SMIM20: variants seen among roughly 807,000 people sequenced by gnomAD.
SMIM20 encodes the protein small integral membrane protein 20.
In SMIM20, 3 loss-of-function variants were observed where a neutral mutation model predicts 8.7. The ratio of observed to expected loss-of-function variants is 0.34; its 90% CI spans 0.16 to 0.89. SMIM20 has a LOEUF of 0.89. SMIM20 is among the 40% of genes least tolerant of loss of function. The pLI is 0.49. For missense variants in SMIM20, 85 were observed against 84.8 expected, an observed-to-expected ratio of 1.00 and a Z score of -0.01; for synonymous variants, 44 against 33.6, an observed-to-expected ratio of 1.31 and a Z score of -1.07.
rs536164086 is a variant in SMIM20, at chr4:25,914,300, C to G, written c.-14C>G. ...GGGCGGTCGGCGGGTCAGGGCAGCC[C>G]GGGGCCTGACGCCATGTCCCGGAAC... On this transcript the variant is annotated 5_prime_UTR_variant, in exon 1 of 3. Coordinates refer to ENST00000506197, the MANE Select transcript of SMIM20 (RefSeq NM_001145432.3). 45 of 1,548,804 alleles carry G rather than the reference C, an allele frequency of 2.9e-5. No homozygotes were observed. The highest frequency in any genetic ancestry group is 3.3e-4 in the Middle Eastern group (2 of 5,998).
rs1711585257 is a variant in SMIM20, at chr4:25,929,231, T to C, written c.*40T>C. 6.5e-7 allele frequency: 1 copy of C among 1,550,354 alleles called. No homozygotes were observed. The highest frequency in any genetic ancestry group is 1.2e-5 in the South Asian group (1 of 83,946). On this transcript the variant is annotated 3_prime_UTR_variant, in exon 3 of 3. Coordinates refer to ENST00000506197, the MANE Select transcript of SMIM20 (RefSeq NM_001145432.3). ...GCTCTGATTAAGAAAGGAGATTTCT[T>C]CATGCTTTCGATTCTGCATGGGGTA...
chr4:25,917,831 C>T (rs370468698), intron 1 of SMIM20, among the ~76,000 whole-genome samples: 2 of 151,924 alleles, frequency 1.3e-5, no homozygotes, highest in African/African-American at 4.8e-5. Flanking sequence ...CTTTTGGTTG[C>T]TGGTTTCTAT....
chr4:25,918,001 G>A (rs1719124998), intron 1 of SMIM20, among the ~76,000 whole-genome samples: 1 of 144,230 alleles, frequency 6.9e-6, no homozygotes, highest in East Asian at 2.1e-4. Context: ...GGAGTGCAGT[G>A]GCGTGATCTC....
At chr4:25,914,491 A>G in intron 1 of SMIM20, 69 bp downstream of exon 1, 1 of 1,340,004 alleles carries the variant, frequency 7.5e-7, no homozygotes, top group Non-Finnish European at 9.8e-7. Context: ...TGTGAGCTCC[A>G]CGTGGTGCCG....
intron 2 of SMIM20, among the ~76,000 whole-genome samples, chr4:25,928,945 A>G (rs1297522710): frequency 2.0e-5 from 3 of 152,312 alleles, no homozygotes; most frequent in South Asian, 4.1e-4. Flanking sequence ...GCTATGGGGT[A>G]CAATTCCTGA....
Position 25,914,435 on chromosome 4 carries a change from TAA to T in SMIM20, c.109+14_109+15del. On this transcript the variant is annotated intron_variant, in intron 1 of 2. Transcript: ENST00000506197. ...TTGGAGGAGTACAGTGAGTGATCTC[TAA>T]CCCCTTGCGGTGACCTGACTCCCCA... 6.8e-7 allele frequency: 1 copy of T among 1,463,152 alleles called. No homozygotes were observed. The highest frequency in any genetic ancestry group is 1.4e-5 in the South Asian group (1 of 72,562). The allele number at this position is 1,463,152 out of a possible 1,614,324, so 90.6% of individuals were successfully genotyped here. A position where few individuals can be genotyped will look rare whatever the true frequency, so the allele number is the denominator to read the frequency against.
Position 25,929,423 on chromosome 4 carries a change from A to G in SMIM20, c.*232A>G, listed in dbSNP as rs978149841. The G allele has an allele frequency of 2.8e-5, 14 of 491,406 alleles. No individual in the cohort carries two copies. Among genetic ancestry groups the G allele is most frequent in the African/African-American group, 2.6e-4 (13 of 50,444 alleles). The allele number at this position is 491,406 out of a possible 1,614,324, so 30.4% of individuals were successfully genotyped here. A position where few individuals can be genotyped will look rare whatever the true frequency, so the allele number is the denominator to read the frequency against. ...ACCATTAGGAAGGTTTTCATGATTCAGTTGATTTTCCAAAAATGAAGCTAT... is the reference window on the plus strand; with the variant it reads ...ACCATTAGGAAGGTTTTCATGATTCGGTTGATTTTCCAAAAATGAAGCTAT... On this transcript the variant is annotated 3_prime_UTR_variant, in exon 3 of 3. Transcript: ENST00000506197.
chr4:25,918,894 T>TC (rs1206020096), intron 1 of SMIM20, among the ~76,000 whole-genome samples: 1 of 132,410 alleles, frequency 7.6e-6, no homozygotes, highest in African/African-American at 2.9e-5. Flanking sequence ...AATATCTTTT[T>TC]TTTTTTTTTT....
intron 2 of SMIM20, among the ~76,000 whole-genome samples, 190 bp downstream of exon 2, chr4:25,928,559 C>T: frequency 6.6e-6 from 1 of 152,236 alleles, no homozygotes; most frequent in South Asian, 2.1e-4. Flanking sequence ...TCTAATATTT[C>T]ACTCCAGAAT....
chr4:25,914,322 G>A lies in SMIM20; in HGVS notation c.9G>A (p.Arg3=). The change falls in exon 1 of 3, where the codon CGG becomes CGA. Residue 3 remains arginine, a synonymous_variant. Transcript: ENST00000506197. Reference sequence around the variant, plus strand: ...GCCCGGGGCCTGACGCCATGTCCCGGAACCTGCGCACCGCGCTCATTTTCG... The same window carrying A: ...GCCCGGGGCCTGACGCCATGTCCCGAAACCTGCGCACCGCGCTCATTTTCG... The part of the protein sequence containing the change: MS[R]NLRTALIFGG... 6.4e-7 allele frequency: 1 copy of A among 1,550,466 alleles called. No homozygotes were observed. Among genetic ancestry groups the A allele is most frequent in the Non-Finnish European group, 8.7e-7 (1 of 1,146,170 alleles).
At chr4:25,923,982 G>T (rs1719244513) in intron 1 of SMIM20, among the ~76,000 whole-genome samples, 1 of 152,178 alleles carries the variant, frequency 6.6e-6, no homozygotes, top group African/African-American at 2.4e-5. Context: ...TCAGCCAACT[G>T]GGTCACACTT....
At chr4:25,926,602 T>G (rs139590056) in intron 1 of SMIM20, among the ~76,000 whole-genome samples, 1 of 152,380 alleles carries the variant, frequency 6.6e-6, no homozygotes, top group Non-Finnish European at 1.5e-5. Flanking sequence ...CGTTGCATCA[T>G]AAGAGGTTAG....
At chr4:25,918,637 A>G (rs62409310) in intron 1 of SMIM20, among the ~76,000 whole-genome samples, 4,102 of 151,926 alleles carry the variant, frequency 0.027, 98 homozygotes, top group Non-Finnish European at 0.041. Context: ...CAGCCTCCCA[A>G]GTAGCTGGGA....
At chr4:25,915,389 G>A (rs1041109355) in intron 1 of SMIM20, among the ~76,000 whole-genome samples, 1 of 152,154 alleles carries the variant, frequency 6.6e-6, no homozygotes, top group South Asian at 2.1e-4. Context: ...AGATGGAAGA[G>A]GGCCAACCCT....
intron 1 of SMIM20, among the ~76,000 whole-genome samples, chr4:25,915,979 C>T (rs750242635): frequency 9.2e-5 from 14 of 151,658 alleles, no homozygotes; most frequent in Admixed American, 3.3e-4. Context: ...GCTTAAAATT[C>T]GAGTGGTGCC....
At position 25,914,226 on chromosome 4, in the gene SMIM20, C is replaced by G; in HGVS notation, c.-88C>G. ...GAAGCGAAAGCCTCTCCACCTCTTCCGAGCGGGGTCACGGCCCGGCCGTCG... is the reference window on the plus strand; with the variant it reads ...GAAGCGAAAGCCTCTCCACCTCTTCGGAGCGGGGTCACGGCCCGGCCGTCG... On this transcript the variant is annotated 5_prime_UTR_variant, in exon 1 of 3. Transcript: ENST00000506197. The G allele has an allele frequency of 6.7e-7, 1 of 1,499,500 alleles. No homozygotes were observed. 92.9% of individuals were successfully genotyped at this position (1,499,500 alleles called of 1,614,324 possible).
chr4:25,928,273 C>A, intron 1 of SMIM20, 40 bp from the exon 2 acceptor site: 2 of 1,538,850 alleles, frequency 1.3e-6, no homozygotes, highest in East Asian at 2.5e-5. Flanking sequence ...TCTCTCCCCG[C>A]CCCCCTTCTA....
At chr4:25,916,959 A>G (rs972754079) in intron 1 of SMIM20, among the ~76,000 whole-genome samples, 1 of 152,142 alleles carries the variant, frequency 6.6e-6, no homozygotes, top group African/African-American at 2.4e-5. Flanking sequence ...AGTTTACTAT[A>G]TGTTTGGCAC....
intron 1 of SMIM20, among the ~76,000 whole-genome samples, chr4:25,922,843 T>G (rs1205016202): frequency 6.6e-6 from 1 of 152,094 alleles, no homozygotes; most frequent in African/African-American, 2.4e-5. Flanking sequence ...TGGGGACAGG[T>G]ACGTTCCAGG....
Sources: gnomAD v4.1 joint callset for allele counts (sites outside exome capture counted in the v4.1 genomes callset) on GRCh38, gnomAD v4.1.1 for gene constraint, MANE v1.5 for transcripts, NCBI Gene and HGNC (gene_info 2026-07-23, HGNC 2026-07-21) for gene names.